Variants in KCNH1 observed in about 807,000 individuals in gnomAD.
KCNH1 encodes the protein voltage-gated delayed rectifier potassium channel KCNH1.
In KCNH1, 27 loss-of-function variants were observed where a neutral mutation model predicts 69.2. That is an observed-to-expected ratio of 0.39 (90% CI 0.29 to 0.54). The LOEUF is 0.54. Ranked by LOEUF, KCNH1 falls within the 20% of genes least tolerant of loss-of-function variation. KCNH1 has a pLI of 0.68. For synonymous variants in KCNH1, 456 were observed against 487.7 expected (o/e 0.93, Z 0.86); for missense variants, 798 against 1,261.6 (o/e 0.63, Z 5.57).
At chr1:211,076,970 C>T (rs556300889) in intron 5 of KCNH1, among the ~76,000 whole-genome samples, 1 of 152,206 alleles carries the variant, frequency 6.6e-6, no homozygotes, top group East Asian at 1.9e-4. Flanking sequence ...CATGCACAAG[C>T]TTCAATAGCC....
At chr1:210,902,141 G>T (rs944987766) in intron 7 of KCNH1, among the ~76,000 whole-genome samples, 6 of 152,052 alleles carry the variant, frequency 3.9e-5, no homozygotes, top group Non-Finnish European at 1.5e-5. Flanking sequence ...AGAGGAGAGG[G>T]CACCCGCCCC....
Position 210,811,126 on chromosome 1 carries a change from T to C in KCNH1, c.1463-6960A>G, listed in dbSNP as rs114707542. ...AGTGTACAAAGTTCCCCTTAATTCT[T>C]ATTTTCATATACTACCTCTGTTTCA... is the stretch of plus-strand genomic sequence containing the variant. On this transcript the variant is annotated intron_variant, in intron 7 of 10. Transcript: ENST00000271751. 2.2e-3 allele frequency among the ~76,000 whole-genome samples: 337 copies of C among 152,304 alleles called. 2 individuals carry two copies. The highest frequency in any genetic ancestry group is 7.8e-3 in the African/African-American group (326 of 41,570).
At chr1:210,726,491 A>G (rs763720560) in intron 10 of KCNH1, among the ~76,000 whole-genome samples, 3 of 152,174 alleles carry the variant, frequency 2.0e-5, no homozygotes, top group Non-Finnish European at 4.4e-5. Context: ...TCAGGGAGGC[A>G]AGCTCAACTT....
intron 10 of KCNH1, among the ~76,000 whole-genome samples, chr1:210,700,998 C>T (rs113914333): frequency 0.024 from 3,627 of 152,082 alleles, 118 homozygotes; most frequent in Admixed American, 0.064. Context: ...AGTGCAGTGG[C>T]GCGATCTCGG....
At chr1:210,922,349 A>C (rs1335146056) in intron 6 of KCNH1, among the ~76,000 whole-genome samples, 1 of 131,316 alleles carries the variant, frequency 7.6e-6, no homozygotes, top group Non-Finnish European at 1.6e-5. Flanking sequence ...GTGCCACTGC[A>C]CTCCAGCCTG....
intron 3 of KCNH1, among the ~76,000 whole-genome samples, chr1:211,100,202 C>A (rs1012545142): frequency 5.0e-4 from 76 of 152,020 alleles, no homozygotes; most frequent in Non-Finnish European, 1.8e-4. Context: ...GACATACTTA[C>A]CCTGCTTAAA....
rs1690913029 is a variant in KCNH1, at chr1:211,084,269, T to C, written c.440-1371A>G. 4.6e-5 allele frequency among the ~76,000 whole-genome samples: 7 copies of C among 152,180 alleles called. No individual in the cohort carries two copies. In the East Asian group the frequency reaches 1.3e-3, roughly 29 times the overall value. Reference sequence around the variant, plus strand: ...GTCACTTTCAGAGGCAGGCTCTACTTCAGCTTAAAATAAAGCTGAAACTGG... The same window carrying C: ...GTCACTTTCAGAGGCAGGCTCTACTCCAGCTTAAAATAAAGCTGAAACTGG... On this transcript the variant is annotated intron_variant, in intron 4 of 10. Coordinates refer to ENST00000271751, the MANE Select transcript of KCNH1 (RefSeq NM_172362.3).
chr1:210,683,255 T>G lies in KCNH1; in HGVS notation c.*26A>C. ...GACGGCAGGGTTGGAGGTATCTGTCTCTGACTTTTTTTTTAAATAGACCTC... is the reference window on the plus strand; with the variant it reads ...GACGGCAGGGTTGGAGGTATCTGTCGCTGACTTTTTTTTTAAATAGACCTC... On this transcript the variant is annotated 3_prime_UTR_variant, in exon 11 of 11. Transcript: ENST00000271751. This position sits in a 1 kb window ranked among gnomAD's most constrained non-coding sequence, Gnocchi z 5.7. 6.2e-7 allele frequency: 1 copy of G among 1,603,508 alleles called. No individual in the cohort carries two copies. Among genetic ancestry groups the G allele is most frequent in the South Asian group, 1.1e-5 (1 of 89,800 alleles).
At chr1:210,962,584 G>A (rs1302875129) in intron 6 of KCNH1, among the ~76,000 whole-genome samples, 3 of 151,874 alleles carry the variant, frequency 2.0e-5, no homozygotes, top group African/African-American at 4.8e-5. Context: ...GATAACTATA[G>A]TTTATTCATT....
At chr1:211,074,981 TCTGA>T (rs1318821753) in intron 5 of KCNH1, among the ~76,000 whole-genome samples, 1 of 152,222 alleles carries the variant, frequency 6.6e-6, no homozygotes, top group Admixed American at 6.5e-5. Context: ...CTGGTAGAAC[TCTGA>T]CTGATACAGT....
intron 7 of KCNH1, among the ~76,000 whole-genome samples, chr1:210,874,829 A>T (rs1244134571): frequency 6.6e-6 from 1 of 152,212 alleles, no homozygotes; most frequent in Non-Finnish European, 1.5e-5. Context: ...AATTAAACTC[A>T]TATACCCCTA....
chr1:210,883,515 G>C (rs1343138787), intron 7 of KCNH1, among the ~76,000 whole-genome samples: 1 of 152,184 alleles, frequency 6.6e-6, no homozygotes, highest in Non-Finnish European at 1.5e-5. Context: ...GGATGGCATG[G>C]GGATTCTAGA....
intron 10 of KCNH1, among the ~76,000 whole-genome samples, chr1:210,769,187 G>A (rs1023392755): frequency 6.6e-6 from 1 of 152,166 alleles, no homozygotes; most frequent in African/African-American, 2.4e-5. Flanking sequence ...ACATTTTTAA[G>A]TACCTAGCTT....
intron 9 of KCNH1, among the ~76,000 whole-genome samples, chr1:210,780,001 A>AAAC (rs1390163346): frequency 6.6e-6 from 1 of 152,194 alleles, no homozygotes; most frequent in East Asian, 1.9e-4. Context: ...CCTGCAGGCA[A>AAAC]TTTGGTTAAA....
chr1:211,048,327 C>G (rs919456812), intron 5 of KCNH1, among the ~76,000 whole-genome samples: 1 of 152,116 alleles, frequency 6.6e-6, no homozygotes, highest in African/African-American at 2.4e-5. Context: ...CAGTCCCACT[C>G]CTGAGTATCT....
At chr1:210,726,459 G>C (rs1682593196) in intron 10 of KCNH1, among the ~76,000 whole-genome samples, 1 of 152,172 alleles carries the variant, frequency 6.6e-6, no homozygotes. Flanking sequence ...AGGGAGCTTG[G>C]ACAGGTATGT....
At chr1:210,721,800 AAAAT>A (rs71728390) in intron 10 of KCNH1, among the ~76,000 whole-genome samples, 10,465 of 151,128 alleles carry the variant, frequency 0.069, 654 homozygotes, top group African/African-American at 0.16. Flanking sequence ...AAGTATAATA[AAAAT>A]AAATAAATAA....
chr1:210,847,923 G>A (rs1311201273), intron 7 of KCNH1, among the ~76,000 whole-genome samples: 1 of 152,144 alleles, frequency 6.6e-6, no homozygotes, highest in East Asian at 1.9e-4. Flanking sequence ...GCAGGTCAGA[G>A]ATGAAGAGTG....
intron 5 of KCNH1, 97 bp downstream of exon 5, chr1:211,082,683 G>A (rs576213454): frequency 1.1e-6 from 1 of 935,598 alleles, no homozygotes; most frequent in Non-Finnish European, 1.7e-6. Context: ...GGTCCTGAAG[G>A]TCCTCTCCAT....
Sources: allele counts gnomAD v4.1 joint callset (sites outside exome capture counted in the v4.1 genomes callset), GRCh38; gene constraint gnomAD v4.1.1; non-coding constraint Gnocchi (gnomAD v3.1); transcripts MANE v1.5; gene names NCBI Gene and HGNC (gene_info 2026-07-23, HGNC 2026-07-21).